Variants in KIAA0825 observed in about 807,000 individuals in gnomAD.
KIAA0825 encodes the protein KIAA0825.
A neutral mutation model predicts 147.6 loss-of-function variants in KIAA0825; 119 were observed. That is an observed-to-expected ratio of 0.81 (90% CI 0.69 to 0.94). The LOEUF (loss-of-function observed/expected upper bound fraction) is 0.94. Among genes scored for constraint, KIAA0825 ranks in the 40% least tolerant of loss-of-function variants. The pLI is 0.00. For missense variants in KIAA0825, 1,381 were observed against 1,472.7 expected (o/e 0.94, Z 1.02); for synonymous variants, 470 against 518.1 (o/e 0.91, Z 1.26).
At chr5:94,227,505 A>G (rs987255183) in intron 20 of KIAA0825, among the ~76,000 whole-genome samples, 1 of 152,008 alleles carries the variant, frequency 6.6e-6, no homozygotes, top group South Asian at 2.1e-4. Context: ...TATGTAACTA[A>G]CCTGCACATT....
rs547736165 is a variant in KIAA0825, at chr5:94,585,137, G to C, written c.-152-2554C>G. 4.6e-5 allele frequency among the ~76,000 whole-genome samples: 7 copies of C among 152,230 alleles called. No individual in the cohort carries two copies. The East Asian group carries it at 1.2e-3, about 25-fold the overall frequency. On this transcript the variant is annotated intron_variant, in intron 1 of 20. Transcript: ENST00000682413. ...CTATGAAGAAACTGCATCAATTTAT[G>C]GGTGAAATAACCAGCTAGCATCATA...
At chr5:94,379,226 T>G (rs1331102777) in intron 20 of KIAA0825, among the ~76,000 whole-genome samples, 1 of 152,258 alleles carries the variant, frequency 6.6e-6, no homozygotes, top group Non-Finnish European at 1.5e-5. Flanking sequence ...CCAGGATTTT[T>G]GTAGTTTTAG....
At chr5:94,612,089 A>G (rs2152441495) in intron 1 of KIAA0825, among the ~76,000 whole-genome samples, 1 of 152,320 alleles carries the variant, frequency 6.6e-6, no homozygotes, top group African/African-American at 2.4e-5. Context: ...TGTTACTGGG[A>G]ACAGATGTTT....
chr5:94,469,774 G>A (rs914969409), intron 10 of KIAA0825, among the ~76,000 whole-genome samples, 187 bp downstream of exon 10: 3 of 152,144 alleles, frequency 2.0e-5, no homozygotes, highest in Non-Finnish European at 4.4e-5. Context: ...GAGTTCTGAT[G>A]TCTAATTTAT....
intron 20 of KIAA0825, among the ~76,000 whole-genome samples, chr5:94,344,523 A>C (rs1782778948): frequency 6.6e-6 from 1 of 152,216 alleles, no homozygotes; most frequent in Non-Finnish European, 1.5e-5. Flanking sequence ...CAAAAAATTA[A>C]GCATATAATC....
chr5:94,356,475 G>A (rs1784267235), intron 20 of KIAA0825, among the ~76,000 whole-genome samples: 1 of 151,376 alleles, frequency 6.6e-6, no homozygotes, highest in African/African-American at 2.4e-5. Flanking sequence ...AGCCTGGTGT[G>A]GTCGCGGGCG....
intron 1 of KIAA0825, among the ~76,000 whole-genome samples, chr5:94,604,910 AG>A (rs1237560082): frequency 6.6e-6 from 1 of 152,134 alleles, no homozygotes; most frequent in Non-Finnish European, 1.5e-5. Flanking sequence ...GCTGAACTGA[AG>A]GAGATAGAGA....
intron 1 of KIAA0825, among the ~76,000 whole-genome samples, chr5:94,615,131 T>A (rs1018617554): frequency 6.6e-6 from 1 of 151,842 alleles, no homozygotes; most frequent in Admixed American, 6.6e-5. Context: ...AAAACATGAT[T>A]GTGTGTCCAC....
intron 20 of KIAA0825, among the ~76,000 whole-genome samples, chr5:94,239,221 A>G (rs1278493729): frequency 6.6e-6 from 1 of 152,176 alleles, no homozygotes; most frequent in Non-Finnish European, 1.5e-5. Context: ...TGACAGCACT[A>G]TAGTAACCCC....
At chr5:94,268,100 C>T (rs777059818) in intron 20 of KIAA0825, among the ~76,000 whole-genome samples, 9 of 151,944 alleles carry the variant, frequency 5.9e-5, no homozygotes, top group Non-Finnish European at 1.0e-4. Flanking sequence ...CAAGATTATT[C>T]GTTTAAAATT....
chr5:94,403,103 T>G (rs2150622642), intron 16 of KIAA0825, among the ~76,000 whole-genome samples: 1 of 152,224 alleles, frequency 6.6e-6, no homozygotes, highest in African/African-American at 2.4e-5. Context: ...CTTACCAAAC[T>G]GGGTGCTATT....
At chr5:94,483,697 A>G (rs1366135329) in intron 6 of KIAA0825, among the ~76,000 whole-genome samples, 1 of 151,788 alleles carries the variant, frequency 6.6e-6, no homozygotes, top group Non-Finnish European at 1.5e-5. Flanking sequence ...ATAATATAAC[A>G]GTGTTACCTA....
At chr5:94,245,768 A>G (rs910806644) in intron 20 of KIAA0825, among the ~76,000 whole-genome samples, 1 of 152,114 alleles carries the variant, frequency 6.6e-6, no homozygotes, top group African/African-American at 2.4e-5. Flanking sequence ...AGACAGTTCT[A>G]CCCTCATGGA....
Position 94,386,241 on chromosome 5 carries a change from C to T in KIAA0825, c.3619+1G>A. 6.5e-7 allele frequency: 1 copy of T among 1,536,478 alleles called. No homozygotes were observed. Among genetic ancestry groups the T allele is most frequent in the Non-Finnish European group, 8.8e-7 (1 of 1,142,530 alleles). On this transcript the variant is annotated splice_donor_variant, in intron 19 of 20. Transcript: ENST00000682413. LOFTEE classifies it high-confidence loss of function. Reference sequence around the variant, plus strand: ...AATTAAATTTACCATTTAATTTCCACATACCTGATCTAGCATGTTTTCACT... The same window carrying T: ...AATTAAATTTACCATTTAATTTCCATATACCTGATCTAGCATGTTTTCACT...
In KIAA0825 at chr5:94,520,553, T is replaced by C. The variant is rs745561249; in HGVS notation, c.665A>G (p.Asn222Ser). The C allele has an allele frequency of 1.8e-5, 29 of 1,613,288 alleles. No individual in the cohort carries two copies. In the African/African-American group the frequency reaches 3.5e-4, roughly 19 times the overall value. The change falls in exon 5 of 21, where the codon AAT (asparagine) becomes AGT (serine). Residue 222 changes from asparagine to serine, a missense_variant. Coordinates refer to ENST00000682413, the MANE Select transcript of KIAA0825 (RefSeq NM_001145678.3). The stretch of plus-strand genomic sequence containing the variant: ...AGAAGGAAAGCAGTTCCACAGAAGA[T>C]TAGCCAACAGTTTATTCTGTATGTT... ...YQNIQNKLLA[N>S]LLWNCFPSYN...
At chr5:94,234,559 A>C (rs1774936643) in intron 20 of KIAA0825, among the ~76,000 whole-genome samples, 1 of 152,166 alleles carries the variant, frequency 6.6e-6, no homozygotes, top group South Asian at 2.1e-4. Context: ...GCTTTACAGG[A>C]TGCATGATGC....
At chr5:94,324,208 G>A (rs1206564136) in intron 20 of KIAA0825, among the ~76,000 whole-genome samples, 1 of 151,838 alleles carries the variant, frequency 6.6e-6, no homozygotes, top group East Asian at 1.9e-4. Flanking sequence ...AGCCAAAATG[G>A]GTCTCATTTG....
chr5:94,466,012 A>T (rs1760446336), intron 10 of KIAA0825, among the ~76,000 whole-genome samples: 1 of 152,232 alleles, frequency 6.6e-6, no homozygotes, highest in Non-Finnish European at 1.5e-5. Context: ...TATCTTGATT[A>T]TGTTAATATA....
chr5:94,301,996 G>A (rs1391096488), intron 20 of KIAA0825, among the ~76,000 whole-genome samples: 3 of 151,998 alleles, frequency 2.0e-5, no homozygotes, highest in Non-Finnish European at 4.4e-5. Flanking sequence ...TGTATTCACC[G>A]AATGCATTTG....
Sources: allele counts gnomAD v4.1 joint callset (sites outside exome capture counted in the v4.1 genomes callset), GRCh38; gene constraint gnomAD v4.1.1; transcripts MANE v1.5; gene names NCBI Gene and HGNC (gene_info 2026-07-23, HGNC 2026-07-21).